EFCAB5: variants seen among roughly 807,000 people sequenced by gnomAD.
EFCAB5 encodes EF-hand calcium binding domain 5.
EFCAB5 carries 131 observed loss-of-function variants against 167.9 expected under a neutral mutation model. That is an observed-to-expected ratio of 0.78 (90% CI 0.68 to 0.90). EFCAB5 has a LOEUF of 0.90. Ranked by LOEUF, EFCAB5 falls within the 40% of genes least tolerant of loss-of-function variation. EFCAB5 has a pLI of 0.00. For synonymous variants in EFCAB5, 574 were observed against 602.8 expected (o/e 0.95, Z 0.70); for missense variants, 1,663 against 1,745.2 (o/e 0.95, Z 0.84).
intron 13 of EFCAB5, among the ~76,000 whole-genome samples, chr17:30,058,376 A>T (rs2070334515): frequency 6.6e-6 from 1 of 152,236 alleles, no homozygotes; most frequent in Non-Finnish European, 1.5e-5. Flanking sequence ...TTATTCTCTC[A>T]TATGAAATAT....
intron 14 of EFCAB5, among the ~76,000 whole-genome samples, chr17:30,068,027 C>T (rs1308632222): frequency 1.3e-5 from 2 of 152,282 alleles, no homozygotes; most frequent in East Asian, 1.9e-4. Flanking sequence ...ATCAGTAGGC[C>T]GGGCGCGGTG....
At position 30,053,248 on chromosome 17, in the gene EFCAB5, G is replaced by T; in HGVS notation, c.1301-7G>T. The T allele has an allele frequency of 6.3e-7, 1 of 1,588,054 alleles. No individual in the cohort carries two copies. The highest frequency in any genetic ancestry group is 8.6e-7 in the Non-Finnish European group (1 of 1,167,160). ...GGTTTAAGTGAATATTTTGTTTTCT[G>T]CATTAGGGCCATTCATTGAATTTGA... is the stretch of plus-strand genomic sequence containing the variant. On this transcript the variant is annotated splice_polypyrimidine_tract_variant and splice_region_variant and intron_variant, in intron 9 of 22. Transcript: ENST00000394835.
At chr17:29,968,766 A>T in intron 3 of EFCAB5, 25 bp from the exon 4 acceptor site, 1 of 1,438,712 alleles carries the variant, frequency 7.0e-7, no homozygotes, top group Non-Finnish European at 9.1e-7. Context: ...AACATTTCTT[A>T]CATTTCACTT....
intron 21 of EFCAB5, among the ~76,000 whole-genome samples, chr17:30,092,634 C>T (rs903125585): frequency 6.6e-6 from 1 of 152,148 alleles, no homozygotes; most frequent in Admixed American, 6.5e-5. Context: ...GGTGGTCCTC[C>T]CACCTGGGCT....
intron 8 of EFCAB5, among the ~76,000 whole-genome samples, chr17:30,049,527 A>G (rs2070026865): frequency 6.6e-6 from 1 of 152,066 alleles, no homozygotes; most frequent in African/African-American, 2.4e-5. Flanking sequence ...CAAAAGAAAT[A>G]GGCAACTGGT....
intron 14 of EFCAB5, among the ~76,000 whole-genome samples, chr17:30,067,483 A>G (rs529423689): frequency 9.2e-5 from 14 of 152,036 alleles, no homozygotes; most frequent in African/African-American, 3.1e-4. Flanking sequence ...AAGGAAATAA[A>G]AGATCATTCA....
chr17:30,042,192 A>G (rs1447148575), intron 8 of EFCAB5, among the ~76,000 whole-genome samples: 3 of 152,028 alleles, frequency 2.0e-5, no homozygotes, highest in Non-Finnish European at 2.9e-5. Context: ...TATTTTTAAT[A>G]GAGACGGGGT....
At chr17:30,086,829 T>C (rs761025235) in intron 18 of EFCAB5, among the ~76,000 whole-genome samples, 32 of 152,112 alleles carry the variant, frequency 2.1e-4, no homozygotes, top group Non-Finnish European at 3.2e-4. Flanking sequence ...GAGGCAGAGA[T>C]TGTGGTGAGC....
rs556628186 is a variant in EFCAB5, at chr17:30,086,614, C to T, written c.3580-449C>T. Among the ~76,000 whole-genome samples the T allele has an allele frequency of 7.9e-5, 12 of 151,640 alleles. 1 individual carries two copies. In the South Asian group the frequency reaches 2.1e-3, roughly 26 times the overall value. On this transcript the variant is annotated intron_variant, in intron 18 of 22. Transcript: ENST00000394835. ...TACAAAAAAAAAAATTAGCCGGGGC[C>T]GGGTGTGGTGGCTCACGCCTGTAAT...
At chr17:29,977,020 G>A (rs1400021181) in intron 4 of EFCAB5, among the ~76,000 whole-genome samples, 1 of 152,100 alleles carries the variant, frequency 6.6e-6, no homozygotes, top group Non-Finnish European at 1.5e-5. Context: ...AATTAAAGTG[G>A]ACTTTAATTC....
At chr17:30,036,794 G>T (rs2151745184) in intron 8 of EFCAB5, among the ~76,000 whole-genome samples, 1 of 152,282 alleles carries the variant, frequency 6.6e-6, no homozygotes, top group East Asian at 1.9e-4. Flanking sequence ...AATGGAAAAT[G>T]CTGGGCTCTT....
At chr17:30,008,474 C>A (rs1229806817) in intron 7 of EFCAB5, among the ~76,000 whole-genome samples, 3 of 152,024 alleles carry the variant, frequency 2.0e-5, no homozygotes, top group Non-Finnish European at 4.4e-5. Flanking sequence ...TGCCTGTAGT[C>A]CCAGCTACTT....
chr17:29,977,938 C>T (rs2068093646), intron 4 of EFCAB5, among the ~76,000 whole-genome samples: 1 of 152,082 alleles, frequency 6.6e-6, no homozygotes, highest in Non-Finnish European at 1.5e-5. Flanking sequence ...GTGTTATTTG[C>T]AGAGTTCTGA....
At position 29,963,757 on chromosome 17, in the gene EFCAB5, C is replaced by T. The variant is rs185223512; in HGVS notation, c.191-5034C>T. ...GGTCTGATATGGTTTGAATGTGTGT[C>T]CCTTCCAAATCTCATGTTGAAATGT... On this transcript the variant is annotated intron_variant, in intron 3 of 22. Transcript: ENST00000394835. Among the ~76,000 whole-genome samples, 338 of 152,240 alleles carry T rather than the reference C, an allele frequency of 2.2e-3. 2 individuals carry two copies. The highest frequency in any genetic ancestry group is 7.6e-3 in the African/African-American group (317 of 41,528).
upstream of EFCAB5, among the ~76,000 whole-genome samples, chr17:29,937,410 C>T (rs2067255030): frequency 6.6e-6 from 1 of 152,118 alleles, no homozygotes. Flanking sequence ...TGGTCTCAAA[C>T]TCCTGACCTC....
At chr17:29,974,807 T>C (rs916285548) in intron 4 of EFCAB5, among the ~76,000 whole-genome samples, 1 of 152,188 alleles carries the variant, frequency 6.6e-6, no homozygotes, top group African/African-American at 2.4e-5. Context: ...AGCATGGCTG[T>C]GTTCCAATGA....
chr17:30,083,476 C>T (rs546363958), intron 18 of EFCAB5, among the ~76,000 whole-genome samples: 10 of 152,308 alleles, frequency 6.6e-5, no homozygotes, highest in East Asian at 3.9e-4. Context: ...AGAAAGAAGA[C>T]GGAGTCTCGC....
intron 7 of EFCAB5, among the ~76,000 whole-genome samples, chr17:30,020,802 T>C (rs2069160097): frequency 6.6e-6 from 1 of 152,312 alleles, no homozygotes; most frequent in Admixed American, 6.5e-5. Context: ...GGCTCAAGCC[T>C]GACCTTCCAA....
intron 6 of EFCAB5, among the ~76,000 whole-genome samples, chr17:29,999,047 A>G (rs1285404592): frequency 6.7e-6 from 1 of 150,272 alleles, no homozygotes; most frequent in Non-Finnish European, 1.5e-5. Context: ...TTGTTTCTTG[A>G]CTCTTCTTTT....
Sources: gnomAD v4.1 joint callset for allele counts (sites outside exome capture counted in the v4.1 genomes callset) on GRCh38, gnomAD v4.1.1 for gene constraint, MANE v1.5 for transcripts, NCBI Gene and HGNC (gene_info 2026-07-23, HGNC 2026-07-21) for gene names.